VPS13B: variants seen among roughly 807,000 people sequenced by gnomAD.
VPS13B encodes vacuolar protein sorting 13 homolog B.
Under a neutral mutation model 426.4 loss-of-function variants are expected in VPS13B, and 285 were observed. The ratio of observed to expected loss-of-function variants is 0.67; its 90% confidence interval spans 0.61 to 0.74. The LOEUF (loss-of-function observed/expected upper bound fraction) is 0.74. Among genes scored for constraint, VPS13B ranks in the 30% least tolerant of loss-of-function variants. The probability of loss-of-function intolerance (pLI) is 0.00; values close to 1 mark genes in which losing one functional copy is unlikely to be tolerated. For synonymous variants in VPS13B, 1,676 were observed against 1,676.4 expected, an observed-to-expected ratio of 1.00 and a Z score of 0.01; for missense variants, 4,537 against 4,782.6, an observed-to-expected ratio of 0.95 and a Z score of 1.51.
At chr8:99,708,558 G>A (rs1281434370) in intron 36 of VPS13B, among the ~76,000 whole-genome samples, 1 of 152,068 alleles carries the variant, frequency 6.6e-6, no homozygotes, top group Non-Finnish European at 1.5e-5. Flanking sequence ...TACCAGTAAG[G>A]ACTAAGTCAC....
At chr8:99,359,781 A>G (rs1348884576) in intron 19 of VPS13B, among the ~76,000 whole-genome samples, 4 of 152,222 alleles carry the variant, frequency 2.6e-5, no homozygotes, top group Non-Finnish European at 5.9e-5. Context: ...GAATCAGCGT[A>G]CAACCAAAAC....
At chr8:99,771,107 A>G (rs1045151034) in intron 40 of VPS13B, among the ~76,000 whole-genome samples, 1 of 152,214 alleles carries the variant, frequency 6.6e-6, no homozygotes, top group African/African-American at 2.4e-5. Context: ...GGCTGTGGAA[A>G]GTCACACAAA....
chr8:99,331,728 A>T (rs554052412), intron 19 of VPS13B, among the ~76,000 whole-genome samples: 20 of 151,864 alleles, frequency 1.3e-4, no homozygotes, highest in Admixed American at 3.9e-4. Context: ...TGTAGGTTAA[A>T]TTGTAAAATT....
At chr8:99,496,796 A>G (rs148857801) in intron 25 of VPS13B, among the ~76,000 whole-genome samples, 4 of 152,256 alleles carry the variant, frequency 2.6e-5, no homozygotes, top group African/African-American at 9.6e-5. Flanking sequence ...AACTGTTATA[A>G]CAACATAAAA....
intron 24 of VPS13B, among the ~76,000 whole-genome samples, chr8:99,472,758 TC>T (rs1819479478): frequency 6.6e-6 from 1 of 151,564 alleles, no homozygotes; most frequent in African/African-American, 2.4e-5. Context: ...TTTTAAAAGA[TC>T]AACAAAATTG....
In VPS13B at chr8:99,303,084, TC is replaced by T. The variant is rs1264442769; in HGVS notation, c.2824+27832del. Among the ~76,000 whole-genome samples, 12 of 151,650 alleles carry T rather than the reference TC, an allele frequency of 7.9e-5. No individual in the cohort carries two copies. In the East Asian group the frequency reaches 2.4e-3, roughly 30 times the overall value. ...TCATGAGGTCAGGAGATTGAAACCA[TC>T]CTGGCTAACACGGTGAAACCCCTTC... On this transcript the variant is annotated intron_variant, in intron 19 of 61. Transcript: ENST00000357162.
At chr8:99,817,013 C>A (rs1434043153) in intron 44 of VPS13B, among the ~76,000 whole-genome samples, 1 of 152,006 alleles carries the variant, frequency 6.6e-6, no homozygotes, top group Non-Finnish European at 1.5e-5. Context: ...TCCATTTCTA[C>A]TTCACTTGAC....
At chr8:99,155,135 A>G (rs930881104) in intron 14 of VPS13B, among the ~76,000 whole-genome samples, 1 of 152,066 alleles carries the variant, frequency 6.6e-6, no homozygotes, top group Admixed American at 6.5e-5. Flanking sequence ...TTTGAAGGAA[A>G]AGGATGGAAA....
intron 2 of VPS13B, among the ~76,000 whole-genome samples, chr8:99,014,298 A>G (rs1001043814): frequency 2.0e-5 from 3 of 151,316 alleles, no homozygotes; most frequent in Admixed American, 2.0e-4. Context: ...TTGTATTTTT[A>G]GTAGAGACGG....
intron 19 of VPS13B, among the ~76,000 whole-genome samples, chr8:99,309,737 A>T (rs967920136): frequency 2.6e-5 from 4 of 152,144 alleles, no homozygotes; most frequent in Non-Finnish European, 4.4e-5. Context: ...CCGTAGCTTG[A>T]TGGGGGTGGC....
At chr8:99,496,822 C>T (rs921651388) in intron 25 of VPS13B, among the ~76,000 whole-genome samples, 13 of 151,876 alleles carry the variant, frequency 8.6e-5, no homozygotes, top group African/African-American at 3.1e-4. Flanking sequence ...TTTTGGATCT[C>T]TGGGTTTTCA....
At chr8:99,618,296 A>AAAG (rs1425574325) in intron 33 of VPS13B, among the ~76,000 whole-genome samples, 4 of 152,042 alleles carry the variant, frequency 2.6e-5, no homozygotes, top group Non-Finnish European at 5.9e-5. Flanking sequence ...AAAAAAAAAA[A>AAAG]AAAAATTCTG....
At chr8:99,414,535 A>G (rs188948622) in intron 21 of VPS13B, among the ~76,000 whole-genome samples, 18 of 152,132 alleles carry the variant, frequency 1.2e-4, no homozygotes, top group African/African-American at 3.9e-4. Flanking sequence ...ACAATTTGGT[A>G]TGTTTTTGCA....
chr8:99,231,503 T>C (rs138323509), intron 17 of VPS13B, among the ~76,000 whole-genome samples: 1 of 152,326 alleles, frequency 6.6e-6, no homozygotes, highest in East Asian at 1.9e-4. Context: ...TCATCTTTTC[T>C]TTTTTAATAA....
intron 42 of VPS13B, among the ~76,000 whole-genome samples, chr8:99,779,561 T>C (rs1811911021): frequency 6.6e-6 from 1 of 152,218 alleles, no homozygotes; most frequent in Admixed American, 6.5e-5. Flanking sequence ...ATAATGGATT[T>C]TTAAATCAAT....
At chr8:99,329,585 G>A (rs1409258628) in intron 19 of VPS13B, among the ~76,000 whole-genome samples, 1 of 151,982 alleles carries the variant, frequency 6.6e-6, no homozygotes, top group East Asian at 1.9e-4. Context: ...TGATCTTTTT[G>A]AGTGTAATTT....
intron 24 of VPS13B, among the ~76,000 whole-genome samples, chr8:99,478,100 A>G (rs1273486901): frequency 1.3e-5 from 2 of 151,392 alleles, no homozygotes; most frequent in East Asian, 1.9e-4. Context: ...AAAAAAAAAG[A>G]AAAAAGAAGC....
intron 23 of VPS13B, among the ~76,000 whole-genome samples, chr8:99,454,270 A>G (rs973609647): frequency 3.3e-5 from 5 of 152,074 alleles, no homozygotes; most frequent in Non-Finnish European, 7.4e-5. Flanking sequence ...CTGCAGCCTC[A>G]AACTCCTGTT....
chr8:99,372,251 A>G (rs75898592), intron 19 of VPS13B, among the ~76,000 whole-genome samples: 3 of 95,064 alleles, frequency 3.2e-5, no homozygotes, highest in African/African-American at 1.4e-4. Flanking sequence ...CTCCGTCTCA[A>G]AAAAAAAAAA....
Sources: allele counts gnomAD v4.1 joint callset (sites outside exome capture counted in the v4.1 genomes callset), GRCh38; gene constraint gnomAD v4.1.1; transcripts MANE v1.5; gene names NCBI Gene and HGNC (gene_info 2026-07-23, HGNC 2026-07-21).